Variants in CMTM4 observed in about 807,000 individuals in gnomAD.
CMTM4 encodes CKLF like MARVEL transmembrane domain containing 4.
In CMTM4, 8 loss-of-function variants were observed where a neutral mutation model predicts 19.0. That is an observed-to-expected ratio of 0.42 (90% CI 0.25 to 0.76). The LOEUF is 0.76. CMTM4 is among the 30% of genes least tolerant of loss of function. The probability of loss-of-function intolerance (pLI) is 0.27; values close to 1 mark genes in which losing one functional copy is unlikely to be tolerated. For synonymous variants in CMTM4, 106 were observed against 121.1 expected (o/e 0.88, Z 0.82); for missense variants, 228 against 290.2 (o/e 0.79, Z 1.56).
At chr16:66,692,393 T>C (rs899340177) in intron 1 of CMTM4, among the ~76,000 whole-genome samples, 2 of 152,108 alleles carry the variant, frequency 1.3e-5, no homozygotes, top group Non-Finnish European at 2.9e-5. Context: ...GTTGCAAGGT[T>C]AACACTGAAA....
At chr16:66,604,959 G>A in the CMTM4 span, 1 of 1,497,232 alleles carries the variant, frequency 6.7e-7, no homozygotes, top group Non-Finnish European at 8.8e-7. Flanking sequence ...GTCGGTGAGT[G>A]CGGCGGGACC....
At chr16:66,691,344 A>G (rs2017131151) in intron 1 of CMTM4, among the ~76,000 whole-genome samples, 1 of 152,146 alleles carries the variant, frequency 6.6e-6, no homozygotes, top group Non-Finnish European at 1.5e-5. Context: ...AAGATAATTT[A>G]AATCAGTTGT....
At chr16:66,628,211 T>C (rs2015782109) in intron 2 of CMTM4, among the ~76,000 whole-genome samples, 2 of 152,206 alleles carry the variant, frequency 1.3e-5, no homozygotes. Context: ...ACCGAGACAT[T>C]CCGTTCCCAG....
chr16:66,623,333 T>C lies in CMTM4; in HGVS notation c.462+71A>G, dbSNP rs896537752. ...GCCACAGGAGGGGGAGCAGGACACA[T>C]GCCAGGGACAGGCGAGCAGGTCACA... On this transcript the variant is annotated intron_variant, in intron 3 of 3. Transcript: ENST00000394106. 6 of 1,110,718 alleles carry C rather than the reference T, an allele frequency of 5.4e-6. No individual in the cohort carries two copies. In the Admixed American group the frequency reaches 1.1e-4, roughly 20 times the overall value. 68.8% of individuals were successfully genotyped at this position (1,110,718 alleles called of 1,614,324 possible). A position where few individuals can be genotyped will look rare whatever the true frequency, so the allele number is the denominator to read the frequency against.
At chr16:66,666,219 G>A (rs533731837) in intron 1 of CMTM4, among the ~76,000 whole-genome samples, 203 of 152,246 alleles carry the variant, frequency 1.3e-3, no homozygotes, top group African/African-American at 4.5e-3. Flanking sequence ...TTGGGAGGCC[G>A]AGGCAGGCGG....
Position 66,617,393 on chromosome 16 carries a change from A to C in CMTM4, c.*4665T>G. 1 of 1,605,160 alleles carries C rather than the reference A, an allele frequency of 6.2e-7. No homozygotes were observed. ...AAAAAAAAATCCCAAAGGTTGAAAA[A>C]CTGTATCCAAATGGAAAAAGAATAT... On this transcript the variant is annotated 3_prime_UTR_variant, in exon 4 of 4. Transcript: ENST00000394106.
chr16:66,675,971 C>T (rs1454698319), intron 1 of CMTM4, among the ~76,000 whole-genome samples: 1 of 151,924 alleles, frequency 6.6e-6, no homozygotes, highest in African/African-American at 2.4e-5. Context: ...GTACTCTTCC[C>T]GCCTCTGCCA....
intron 1 of CMTM4, among the ~76,000 whole-genome samples, chr16:66,694,567 G>T (rs2017196557): frequency 6.6e-6 from 1 of 151,972 alleles, no homozygotes; most frequent in South Asian, 2.1e-4. Flanking sequence ...ACAAAAATTA[G>T]CTGGGCGTGG....
Position 66,617,320 on chromosome 16 carries a change from G to A in CMTM4, c.*4738C>T. On this transcript the variant is annotated 3_prime_UTR_variant, in exon 4 of 4. Transcript: ENST00000394106. ...ATTCAAACTCAGCAGGTTTGTGGGT[G>A]ATTTTTTCCTTACTGTTACGTTTGT... 6.2e-7 allele frequency: 1 copy of A among 1,613,982 alleles called. No homozygotes were observed. Among genetic ancestry groups the A allele is most frequent in the East Asian group, 2.2e-5 (1 of 44,868 alleles).
intron 1 of CMTM4, among the ~76,000 whole-genome samples, chr16:66,694,529 A>C (rs541857499): frequency 6.6e-6 from 1 of 151,936 alleles, no homozygotes; most frequent in East Asian, 1.9e-4. Flanking sequence ...CCAGGCCAAC[A>C]CAGCAAAACC....
the CMTM4 span, among the ~76,000 whole-genome samples, chr16:66,607,853 G>T: frequency 1.3e-5 from 2 of 151,544 alleles, no homozygotes; most frequent in African/African-American, 4.9e-5. Context: ...TTTTTGTAGG[G>T]GCGGGTGCGG....
intron 1 of CMTM4, among the ~76,000 whole-genome samples, chr16:66,685,158 T>C (rs1344439669): frequency 2.0e-5 from 3 of 152,194 alleles, no homozygotes; most frequent in Non-Finnish European, 4.4e-5. Context: ...ATTATACTTA[T>C]ATATGGTCTG....
Position 66,619,343 on chromosome 16 carries a change from TAC to T in CMTM4, c.*2713_*2714del. 2 of 985,412 alleles carry T rather than the reference TAC, an allele frequency of 2.0e-6. No individual in the cohort carries two copies. The highest frequency in any genetic ancestry group is 2.4e-6 in the Non-Finnish European group (2 of 829,918). 61.0% of individuals were successfully genotyped at this position (985,412 alleles called of 1,614,324 possible). On this transcript the variant is annotated 3_prime_UTR_variant, in exon 4 of 4. Coordinates refer to ENST00000394106, the MANE Select transcript of CMTM4 (RefSeq NM_181521.3). ...ACCAAATGCTTGAGGGTTTCAGCTG[TAC>T]AGTGTCCAGGAAAAAACCCAAATGC...
Position 66,618,767 on chromosome 16 carries a change from C to T in CMTM4, c.*3291G>A, listed in dbSNP as rs1036726601. On this transcript the variant is annotated 3_prime_UTR_variant, in exon 4 of 4. Coordinates refer to ENST00000394106, the MANE Select transcript of CMTM4 (RefSeq NM_181521.3). ...AGAGTCAGAATGTTTTCAACTGAGT[C>T]ACGAAGCTGTCCCAGAAGCACCCGA... is the stretch of plus-strand genomic sequence containing the variant. 10 of 985,380 alleles carry T rather than the reference C, an allele frequency of 1.0e-5. 1 individual carries two copies. In the African/African-American group the frequency reaches 1.7e-4, roughly 17 times the overall value. 61.0% of individuals were successfully genotyped at this position (985,380 alleles called of 1,614,324 possible).
Position 66,622,244 on chromosome 16 carries a change from T to C in CMTM4, c.463-22A>G, listed in dbSNP as rs355947. ...ATATCTAAAAACACACCAGCACAGT[T>C]AGTCCTCGGGCACGTGGCCTGGCCC... is the stretch of plus-strand genomic sequence containing the variant. On this transcript the variant is annotated intron_variant, in intron 3 of 3. Transcript: ENST00000394106. This position sits in a 1 kb window ranked among gnomAD's most constrained non-coding sequence, Gnocchi z 4.0. 88,500 of 1,611,206 alleles carry C rather than the reference T, an allele frequency of 0.055. 3,622 individuals are homozygous for C. The highest frequency in any genetic ancestry group is 0.18 in the Admixed American group (10,785 of 59,630).
rs979455624 is a variant in CMTM4, at chr16:66,696,269, C to A, written c.186+71G>T. On this transcript the variant is annotated intron_variant, in intron 1 of 3. Coordinates refer to ENST00000394106, the MANE Select transcript of CMTM4 (RefSeq NM_181521.3). The surrounding 1 kb of genome is among the most constrained non-coding windows in gnomAD (Gnocchi z 4.3). ...GCAAGCGGGTACGCGGCGGAGGCCC[C>A]GCAGCGGGGCGGGGAGGGAGGCGTG... 1 of 1,134,458 alleles carries A rather than the reference C, an allele frequency of 8.8e-7. No individual in the cohort carries two copies. Among genetic ancestry groups the A allele is most frequent in the Non-Finnish European group, 1.1e-6 (1 of 891,968 alleles). 70.3% of individuals were successfully genotyped at this position (1,134,458 alleles called of 1,614,324 possible).
At chr16:66,659,245 T>TGC (rs1247382168) in intron 1 of CMTM4, among the ~76,000 whole-genome samples, 1 of 151,876 alleles carries the variant, frequency 6.6e-6, no homozygotes, top group Non-Finnish European at 1.5e-5. Flanking sequence ...CATGGTGGTG[T>TGC]GCACCTGTAG....
intron 1 of CMTM4, among the ~76,000 whole-genome samples, chr16:66,694,743 C>A (rs948669337): frequency 8.1e-5 from 12 of 147,942 alleles, no homozygotes; most frequent in Non-Finnish European, 1.8e-4. Context: ...AAGGCAATTG[C>A]ACACCTCCCT....
At chr16:66,678,921 G>A (rs1440020742) in intron 1 of CMTM4, among the ~76,000 whole-genome samples, 2 of 151,862 alleles carry the variant, frequency 1.3e-5, no homozygotes, top group Non-Finnish European at 2.9e-5. Flanking sequence ...TGGGCAACAT[G>A]GCGAAACCCC....
Sources: allele counts gnomAD v4.1 joint callset (sites outside exome capture counted in the v4.1 genomes callset), GRCh38; gene constraint gnomAD v4.1.1; non-coding constraint Gnocchi (gnomAD v3.1); transcripts MANE v1.5; gene names NCBI Gene and HGNC (gene_info 2026-07-23, HGNC 2026-07-21).